The following CFAP77 variants were observed in gnomAD, a reference collection of about 807,000 sequenced individuals.
CFAP77 encodes the protein cilia and flagella associated protein 77.
In CFAP77, 25 loss-of-function variants were observed where a neutral mutation model predicts 31.1. The observed-to-expected ratio is 0.80, with a 90% CI of 0.59 to 1.12. The LOEUF (loss-of-function observed/expected upper bound fraction) is 1.12. CFAP77 is among the 50% of genes most tolerant of loss of function. CFAP77 has a pLI of 0.00. For missense variants in CFAP77, 377 were observed against 397.3 expected (o/e 0.95, Z 0.44); for synonymous variants, 151 against 159.9 (o/e 0.94, Z 0.42).
chr9:132,543,042 CAGA>C lies in CFAP77; in HGVS notation c.730_732del (p.Lys244del), dbSNP rs1334506587. 1 of 1,613,836 alleles carries C rather than the reference CAGA, an allele frequency of 6.2e-7. No homozygotes were observed. On this transcript the variant is annotated inframe_deletion and splice_region_variant, in exon 5 of 6. Coordinates refer to ENST00000393216, the MANE Select transcript of CFAP77 (RefSeq NM_001282957.2). ...CACCCTCTGGCACATGCCTCACTTCCAGAAGGTCAGTGTCACCTTCATCCACAC... is the reference window on the plus strand; with the variant it reads ...CACCCTCTGGCACATGCCTCACTTCCAGGTCAGTGTCACCTTCATCCACAC...
intron 1 of CFAP77, among the ~76,000 whole-genome samples, chr9:132,464,485 G>A (rs1851117448): frequency 6.6e-6 from 1 of 152,056 alleles, no homozygotes; most frequent in Non-Finnish European, 1.5e-5. Flanking sequence ...CCCTCTAGGT[G>A]GTTAAATGTT....
chr9:132,473,301 C>T (rs1171797749), intron 1 of CFAP77, among the ~76,000 whole-genome samples: 12 of 152,146 alleles, frequency 7.9e-5, no homozygotes, highest in Admixed American at 5.9e-4. Context: ...TATAGCAACC[C>T]GCAAAGTGGG....
Position 132,486,091 on chromosome 9 carries a change from T to TATATA in CFAP77, c.196-12604_196-12603insATATA, listed in dbSNP as rs1491144658. On this transcript the variant is annotated intron_variant, in intron 1 of 5. Transcript: ENST00000393216. The stretch of plus-strand genomic sequence containing the variant: ...GTATATATATATATATATATATATA[T>TATATA]TTTTTTTTTTTTTTTTTTTGAGACG... Among the ~76,000 whole-genome samples the TATATA allele has an allele frequency of 8.4e-4, 13 of 15,538 alleles. 1 individual carries two copies. The highest frequency in any genetic ancestry group is 3.7e-3 in the African/African-American group (12 of 3,218). The allele number at this position is 15,538 out of a possible 152,430, so 10.2% of individuals were successfully genotyped here.
At position 132,554,353 on chromosome 9, in the gene CFAP77, ATT is replaced by A. The variant is rs374057718; in HGVS notation, c.732+11316_732+11317del. On this transcript the variant is annotated intron_variant, in intron 5 of 5. Coordinates refer to ENST00000393216, the MANE Select transcript of CFAP77 (RefSeq NM_001282957.2). This position sits in a 1 kb window ranked among gnomAD's most constrained non-coding sequence, Gnocchi z 4.1. ...TGCAACCCTTATTTTTATTTTATTT[ATT>A]TTTTTTTTTGAGACAGGCTCTCACT... 2.7e-5 allele frequency among the ~76,000 whole-genome samples: 4 copies of A among 147,886 alleles called. No individual in the cohort carries two copies. The highest frequency in any genetic ancestry group is 9.9e-5 in the African/African-American group (4 of 40,292).
intron 1 of CFAP77, among the ~76,000 whole-genome samples, chr9:132,492,421 G>A (rs1255612108): frequency 6.6e-6 from 1 of 152,164 alleles, no homozygotes; most frequent in African/African-American, 2.4e-5. Flanking sequence ...GGAAGTCAAG[G>A]CTCACCTGTT....
At chr9:132,459,315 C>T (rs1327502175) in intron 1 of CFAP77, among the ~76,000 whole-genome samples, 1 of 152,124 alleles carries the variant, frequency 6.6e-6, no homozygotes, top group Non-Finnish European at 1.5e-5. Flanking sequence ...TCGTGATCTG[C>T]CCGCCTTGGT....
At position 132,474,755 on chromosome 9, in the gene CFAP77, T is replaced by TG. The variant is rs1470908194; in HGVS notation, c.196-23934dup. On this transcript the variant is annotated intron_variant, in intron 1 of 5. Coordinates refer to ENST00000393216, the MANE Select transcript of CFAP77 (RefSeq NM_001282957.2). ...TGCGCGTGACTCAGGGCAGGTTGTT[T>TG]GGGGGGTATCAGAAATGCCTGGAGG... is the stretch of plus-strand genomic sequence containing the variant. Among the ~76,000 whole-genome samples the TG allele has an allele frequency of 5.3e-5, 8 of 152,220 alleles. No individual in the cohort carries two copies. In the South Asian group the frequency reaches 6.2e-4, roughly 12 times the overall value.
At chr9:132,445,790 A>C (rs2131707104) in intron 1 of CFAP77, among the ~76,000 whole-genome samples, 1 of 151,154 alleles carries the variant, frequency 6.6e-6, no homozygotes, top group Non-Finnish European at 1.5e-5. Flanking sequence ...AATCACTTGA[A>C]CCTGGGAAGT....
chr9:132,459,796 G>C (rs537190096), intron 1 of CFAP77, among the ~76,000 whole-genome samples: 8 of 150,992 alleles, frequency 5.3e-5, no homozygotes, highest in Admixed American at 2.0e-4. Context: ...GTGTATGTGA[G>C]AGCGATGTGT....
At chr9:132,509,842 T>C (rs1466859426) in intron 3 of CFAP77, among the ~76,000 whole-genome samples, 2 of 151,924 alleles carry the variant, frequency 1.3e-5, no homozygotes, top group African/African-American at 4.8e-5. Flanking sequence ...GGGGCCCCCA[T>C]CTTTTCCCCC....
intron 1 of CFAP77, among the ~76,000 whole-genome samples, chr9:132,442,655 CTTTT>C (rs141344128): frequency 6.8e-6 from 1 of 147,124 alleles, no homozygotes; most frequent in South Asian, 2.2e-4. Context: ...TCATGCCCAT[CTTTT>C]TTTTTTTCAT....
intron 5 of CFAP77, among the ~76,000 whole-genome samples, chr9:132,553,947 G>A (rs1227791638): frequency 2.6e-5 from 4 of 152,228 alleles, no homozygotes; most frequent in Non-Finnish European, 5.9e-5. Flanking sequence ...AGTCGGATTC[G>A]TGTATACTAA....
intron 1 of CFAP77, among the ~76,000 whole-genome samples, chr9:132,436,891 C>T (rs540627953): frequency 3.9e-5 from 6 of 152,196 alleles, no homozygotes; most frequent in African/African-American, 1.4e-4. Context: ...GTGAACTTGT[C>T]TGGATAGGGC....
chr9:132,490,414 C>T lies in CFAP77; in HGVS notation c.196-8281C>T, dbSNP rs750976466. 1.3e-5 allele frequency among the ~76,000 whole-genome samples: 2 copies of T among 152,150 alleles called. No individual in the cohort carries two copies. Among genetic ancestry groups the T allele is most frequent in the South Asian group, 4.1e-4 (2 of 4,824 alleles). On this transcript the variant is annotated intron_variant, in intron 1 of 5. Transcript: ENST00000393216. The surrounding 1 kb of genome is among the most constrained non-coding windows in gnomAD (Gnocchi z 4.6). The stretch of plus-strand genomic sequence containing the variant: ...ACCTGCTTGCCTGTGTCTGAAAGTT[C>T]GGGGTCAGGAGCTCGTTTGAGTGCC...
At chr9:132,534,936 T>C (rs1852519505) in intron 3 of CFAP77, among the ~76,000 whole-genome samples, 1 of 152,230 alleles carries the variant, frequency 6.6e-6, no homozygotes. Flanking sequence ...CAGTAGCCTC[T>C]GACAGCCTTC....
chr9:132,547,364 G>A (rs1852749249), intron 5 of CFAP77, among the ~76,000 whole-genome samples: 5 of 152,212 alleles, frequency 3.3e-5, no homozygotes, highest in African/African-American at 1.2e-4. Context: ...GGAGGATCCA[G>A]AGAGAATATG....
intron 1 of CFAP77, among the ~76,000 whole-genome samples, chr9:132,457,345 T>A (rs1178921268): frequency 2.0e-5 from 3 of 152,160 alleles, no homozygotes; most frequent in Non-Finnish European, 4.4e-5. Flanking sequence ...AAATCGAGAT[T>A]TCGCTATTAT....
chr9:132,494,975 C>T (rs1851718408), intron 1 of CFAP77, among the ~76,000 whole-genome samples: 1 of 152,138 alleles, frequency 6.6e-6, no homozygotes, highest in African/African-American at 2.4e-5. Flanking sequence ...ACTTTTAGAA[C>T]CAAGGGCACT....
intron 1 of CFAP77, among the ~76,000 whole-genome samples, chr9:132,475,936 G>A (rs920724646): frequency 1.3e-5 from 2 of 152,198 alleles, no homozygotes; most frequent in African/African-American, 4.8e-5. Context: ...GGCACAGCCT[G>A]GCCCCATGAC....
Sources: allele counts gnomAD v4.1 joint callset (sites outside exome capture counted in the v4.1 genomes callset), GRCh38; gene constraint gnomAD v4.1.1; non-coding constraint Gnocchi (gnomAD v3.1); transcripts MANE v1.5; gene names NCBI Gene and HGNC (gene_info 2026-07-23, HGNC 2026-07-21).